The following DNAJC13 variants were observed in gnomAD, a reference collection of about 807,000 sequenced individuals.
The protein encoded by DNAJC13 is DnaJ heat shock protein family (Hsp40) member C13, also known as dnaJ homolog subfamily C member 13.
Under a neutral mutation model 290.5 loss-of-function variants are expected in DNAJC13, and 75 were observed. The observed-to-expected ratio is 0.26, with a 90% CI of 0.21 to 0.31. The LOEUF is 0.31. Among genes scored for constraint, DNAJC13 ranks in the 10% least tolerant of loss-of-function variants. The pLI is 1.00. For synonymous variants in DNAJC13, 862 were observed against 892.0 expected (o/e 0.97, Z 0.60); for missense variants, 2,260 against 2,674.5 (o/e 0.85, Z 3.42).
At chr3:132,432,271 C>T (rs1398321975) in intron 1 of DNAJC13, among the ~76,000 whole-genome samples, 2 of 151,916 alleles carry the variant, frequency 1.3e-5, no homozygotes. Context: ...GGTGCGATCT[C>T]GGCTCACTGC....
intron 27 of DNAJC13, among the ~76,000 whole-genome samples, 183 bp downstream of exon 27, chr3:132,482,513 C>A (rs1934713296): frequency 6.6e-6 from 1 of 152,086 alleles, no homozygotes; most frequent in Non-Finnish European, 1.5e-5. Flanking sequence ...TAAAATTATG[C>A]CTTCAAACCT....
At chr3:132,481,216 A>C (rs1199733672) in intron 26 of DNAJC13, among the ~76,000 whole-genome samples, 1 of 152,218 alleles carries the variant, frequency 6.6e-6, no homozygotes, top group Non-Finnish European at 1.5e-5. Context: ...GTACCTCTCT[A>C]TATGAGTCTA....
Position 132,495,088 on chromosome 3 carries a change from G to A in DNAJC13, c.3942G>A (p.Pro1314=), listed in dbSNP as rs35658317. ...ATAAAACAATTTTCCTGTTTAACAG[G>A]CATGATGAGAGCAAGATTAGGAAAG... ...EVLNLPQGQG[P]HDESKIRKAY... The change falls in exon 35 of 56, where the codon CCG becomes CCA. Residue 1314 remains proline, a splice_region_variant and synonymous_variant. Transcript: ENST00000260818. The A allele has an allele frequency of 9.9e-4, 1,603 of 1,612,414 alleles. 10 individuals carry two copies. The African/African-American group carries it at 0.017, about 17-fold the overall frequency.
chr3:132,537,110 A>G (rs765157464), intron 55 of DNAJC13: 2 of 456,200 alleles, frequency 4.4e-6, no homozygotes, highest in South Asian at 3.1e-5. Flanking sequence ...TGCTGTTTGC[A>G]CTTCCTCACA....
At position 132,479,330 on chromosome 3, in the gene DNAJC13, A is replaced by C. The variant is rs1161731414; in HGVS notation, c.2772+41A>C. The C allele has an allele frequency of 2.3e-6, 3 of 1,330,384 alleles. No individual in the cohort carries two copies. In the East Asian group the frequency reaches 6.9e-5, roughly 31 times the overall value. 82.4% of individuals were successfully genotyped at this position (1,330,384 alleles called of 1,614,324 possible). ...ATACATACATTGTTATTTCCAAGTC[A>C]TATAAGTATGTAAGATAAACTCACA... On this transcript the variant is annotated intron_variant, in intron 25 of 55. Transcript: ENST00000260818.
At chr3:132,526,398 G>A in intron 53 of DNAJC13, 117 bp downstream of exon 53, 2 of 1,234,806 alleles carry the variant, frequency 1.6e-6, no homozygotes, top group Non-Finnish European at 2.2e-6. Context: ...GTTAACTTGT[G>A]AGTTTGTGTA....
intron 54 of DNAJC13, among the ~76,000 whole-genome samples, chr3:132,528,945 C>G (rs1357585502): frequency 6.6e-6 from 1 of 151,866 alleles, no homozygotes; most frequent in Non-Finnish European, 1.5e-5. Flanking sequence ...TCTACTAATG[C>G]TCATTTTTTT....
Position 132,456,649 on chromosome 3 carries a change from CT to C in DNAJC13, c.1180-11del. On this transcript the variant is annotated splice_polypyrimidine_tract_variant and intron_variant, in intron 11 of 55. Transcript: ENST00000260818. Reference sequence around the variant, plus strand: ...GGTATGGAAACTTTTTTGAAATACTCTTTCTTCACCTAGGGTCTCTTCTCAG... The same window carrying C: ...GGTATGGAAACTTTTTTGAAATACTCTTCTTCACCTAGGGTCTCTTCTCAG... The C allele has an allele frequency of 6.2e-7, 1 of 1,611,620 alleles. No individual in the cohort carries two copies. The highest frequency in any genetic ancestry group is 8.5e-7 in the Non-Finnish European group (1 of 1,179,558).
intron 16 of DNAJC13, 25 bp downstream of exon 16, chr3:132,462,548 A>C: frequency 6.4e-7 from 1 of 1,569,828 alleles, no homozygotes; most frequent in Non-Finnish European, 8.7e-7. Flanking sequence ...TTGAAATTTT[A>C]ACCTTACTTG....
At chr3:132,436,362 G>A (rs898082655) in intron 2 of DNAJC13, among the ~76,000 whole-genome samples, 8 of 152,030 alleles carry the variant, frequency 5.3e-5, no homozygotes, top group Non-Finnish European at 1.0e-4. Flanking sequence ...TTTCAAGGTC[G>A]TCTATATTAT....
intron 42 of DNAJC13, among the ~76,000 whole-genome samples, chr3:132,506,927 T>C (rs1000846761): frequency 2.0e-5 from 3 of 152,220 alleles, no homozygotes; most frequent in Non-Finnish European, 2.9e-5. Flanking sequence ...CTAGGTCTGA[T>C]GTCTGCTGAG....
chr3:132,504,044 A>G (rs915180930), intron 41 of DNAJC13, among the ~76,000 whole-genome samples: 1 of 151,876 alleles, frequency 6.6e-6, no homozygotes, highest in Non-Finnish European at 1.5e-5. Flanking sequence ...TTTTTGGTAT[A>G]ACAAAATAAA....
chr3:132,499,352 C>G, intron 37 of DNAJC13, 42 bp downstream of exon 37: 1 of 1,495,150 alleles, frequency 6.7e-7, no homozygotes, highest in Non-Finnish European at 9.0e-7. Context: ...CCAGTTTACA[C>G]ACATTATATG....
intron 1 of DNAJC13, among the ~76,000 whole-genome samples, chr3:132,430,303 T>C (rs1939207105): frequency 6.6e-6 from 1 of 152,018 alleles, no homozygotes. Flanking sequence ...TCTTTAGGTG[T>C]TTATTTTTTA....
intron 14 of DNAJC13, among the ~76,000 whole-genome samples, chr3:132,460,717 A>G (rs1277358949): frequency 6.6e-6 from 1 of 152,196 alleles, no homozygotes; most frequent in East Asian, 1.9e-4. Context: ...AGCATCTTGA[A>G]GGAACATAAG....
At chr3:132,524,975 G>T (rs533048755) in intron 51 of DNAJC13, among the ~76,000 whole-genome samples, 1 of 152,078 alleles carries the variant, frequency 6.6e-6, no homozygotes, top group African/African-American at 2.4e-5. Flanking sequence ...CTGGATTATT[G>T]TTCTGACACT....
intron 1 of DNAJC13, among the ~76,000 whole-genome samples, chr3:132,429,549 G>A (rs575357554): frequency 1.3e-5 from 2 of 152,262 alleles, no homozygotes; most frequent in African/African-American, 4.8e-5. Flanking sequence ...CATGTGATGA[G>A]TATTCAATAT....
intron 1 of DNAJC13, among the ~76,000 whole-genome samples, chr3:132,432,784 G>C (rs1939276017): frequency 6.6e-6 from 1 of 152,176 alleles, no homozygotes; most frequent in Admixed American, 6.5e-5. Context: ...GCATGTGACT[G>C]TTAGGAGGCT....
intron 1 of DNAJC13, among the ~76,000 whole-genome samples, chr3:132,433,360 A>T (rs1939290477): frequency 6.6e-6 from 1 of 151,498 alleles, no homozygotes; most frequent in Non-Finnish European, 1.5e-5. Context: ...GCCTCAGAAT[A>T]ATACCACACT....
Sources: allele counts gnomAD v4.1 joint callset (sites outside exome capture counted in the v4.1 genomes callset), GRCh38; gene constraint gnomAD v4.1.1; transcripts MANE v1.5; gene names NCBI Gene and HGNC (gene_info 2026-07-23, HGNC 2026-07-21).